Variants in PABPC1 observed in about 807,000 individuals in gnomAD.
PABPC1 encodes the protein polyadenylate-binding protein 1.
Under a neutral mutation model 74.0 loss-of-function variants are expected in PABPC1, and 4 were observed. The observed-to-expected ratio is 0.05, with a 90% CI of 0.03 to 0.12. The LOEUF is 0.12. Ranked by LOEUF, PABPC1 falls within the 10% of genes least tolerant of loss-of-function variation. PABPC1 has a pLI of 1.00. For synonymous variants in PABPC1, 227 were observed against 264.1 expected (o/e 0.86, Z 1.36); for missense variants, 271 against 821.1 (o/e 0.33, Z 8.19).
chr8:100,721,297 C>A lies in PABPC1; in HGVS notation c.193+94G>T, dbSNP rs892972478. 3.3e-5 allele frequency: 17 copies of A among 513,862 alleles called. No homozygotes were observed. The highest frequency in any genetic ancestry group is 4.5e-5 in the Non-Finnish European group (17 of 380,482). The allele number at this position is 513,862 out of a possible 1,614,324, so 31.8% of individuals were successfully genotyped here. On this transcript the variant is annotated intron_variant, in intron 1 of 14. Transcript: ENST00000318607. The surrounding 1 kb of genome is among the most constrained non-coding windows in gnomAD (Gnocchi z 7.4). ...GCGGGGTGACATGCCCTCCCGCCCC[C>A]CTCCCCGGGCCCGCCGGCCTACCCC...
chr8:100,709,243 A>T lies in PABPC1; in HGVS notation c.1246-20T>A, dbSNP rs374647362. The T allele has an allele frequency of 9.7e-5, 156 of 1,602,680 alleles. No individual in the cohort carries two copies. Among genetic ancestry groups the T allele is most frequent in the Non-Finnish European group, 1.3e-4 (150 of 1,170,682 alleles). On this transcript the variant is annotated intron_variant, in intron 8 of 14. Coordinates refer to ENST00000318607, the MANE Select transcript of PABPC1 (RefSeq NM_002568.4). Reference sequence around the variant, plus strand: ...CTGAGTCTGCAGGGAAAAAAAGCACATGAGTTTATCAGTTGAAGAAAAAAG... The same window carrying T: ...CTGAGTCTGCAGGGAAAAAAAGCACTTGAGTTTATCAGTTGAAGAAAAAAG...
rs751816795 is a variant in PABPC1, at chr8:100,715,578, C to T, written c.527G>A (p.Arg176His). 3.1e-6 allele frequency: 5 copies of T among 1,610,338 alleles called. No homozygotes were observed. Among genetic ancestry groups the T allele is most frequent in the Non-Finnish European group, 3.4e-6 (4 of 1,177,608 alleles). ...TCCAAGTTCAGCTTCTCGTTCTTTACGAGACTTAAATCGTCCAACAAATCT... is the reference window on the plus strand; with the variant it reads ...TCCAAGTTCAGCTTCTCGTTCTTTATGAGACTTAAATCGTCCAACAAATCT... ...RKVFVGRFKS[R>H]KEREAELGAR... Residue 176 changes from arginine to histidine, a missense_variant, in exon 4 of 15, where the codon CGT becomes CAT. Physicochemically the swap from Arg to His is conservative, Grantham distance 29. This residue lies in a region of PABPC1 where 78 missense variants were observed against 202.8 expected (regional missense o/e 0.38). Coordinates refer to ENST00000318607, the MANE Select transcript of PABPC1 (RefSeq NM_002568.4).
chr8:100,715,615 C>A lies in PABPC1; in HGVS notation c.504-14G>T. On this transcript the variant is annotated splice_polypyrimidine_tract_variant and intron_variant, in intron 3 of 14. Transcript: ENST00000318607. ...CGTCCAACAAATCTAATAAGATATACAAGGACTATAACATTAGATTCTATT... is the reference window on the plus strand; with the variant it reads ...CGTCCAACAAATCTAATAAGATATAAAAGGACTATAACATTAGATTCTATT... The A allele has an allele frequency of 6.3e-7, 1 of 1,588,180 alleles. No homozygotes were observed. The highest frequency in any genetic ancestry group is 1.3e-5 in the African/African-American group (1 of 74,204).
chr8:100,716,309 G>A (rs1296464152), intron 3 of PABPC1, among the ~76,000 whole-genome samples: 1 of 152,166 alleles, frequency 6.6e-6, no homozygotes, highest in African/African-American at 2.4e-5. Flanking sequence ...GCTGAAGCAC[G>A]ACAATTGCTA....
chr8:100,712,258 C>A, intron 7 of PABPC1, 104 bp downstream of exon 7: 1 of 650,330 alleles, frequency 1.5e-6, no homozygotes, highest in Non-Finnish European at 2.6e-6. Context: ...AGTAACGAAG[C>A]AAACACCTCT....
chr8:100,708,684 T>C (rs1810445715), intron 9 of PABPC1, among the ~76,000 whole-genome samples: 1 of 151,592 alleles, frequency 6.6e-6, no homozygotes, highest in Non-Finnish European at 1.5e-5. Flanking sequence ...AAGACAACCC[T>C]GGCCAACGTG....
Position 100,721,695 on chromosome 8 carries a change from A to G in PABPC1, c.-112T>C. 1 of 919,170 alleles carries G rather than the reference A, an allele frequency of 1.1e-6. No individual in the cohort carries two copies. The highest frequency in any genetic ancestry group is 1.5e-6 in the Non-Finnish European group (1 of 649,104). The allele number at this position is 919,170 out of a possible 1,614,324, so 56.9% of individuals were successfully genotyped here. A position where few individuals can be genotyped will look rare whatever the true frequency, so the allele number is the denominator to read the frequency against. ...GGGGAGGGGAGCGGGGAGCAAGCGC[A>G]GAGGGACAAAAATCAACCGGAATTG... On this transcript the variant is annotated 5_prime_UTR_variant, in exon 1 of 15. Transcript: ENST00000318607. The surrounding 1 kb of genome is among the most constrained non-coding windows in gnomAD (Gnocchi z 7.4).
chr8:100,720,817 C>G (rs1386081612), intron 1 of PABPC1, among the ~76,000 whole-genome samples: 1 of 152,164 alleles, frequency 6.6e-6, no homozygotes, highest in Non-Finnish European at 1.5e-5. Context: ...GCCTGAGGAC[C>G]ACCACCACAC....
At chr8:100,709,898 A>T in intron 7 of PABPC1, 167 bp from the exon 8 acceptor site, 1 of 742,088 alleles carries the variant, frequency 1.3e-6, no homozygotes, top group Non-Finnish European at 2.1e-6. Context: ...CTTAATACCC[A>T]ATTATTAAGG....
intron 7 of PABPC1, among the ~76,000 whole-genome samples, chr8:100,711,055 G>T (rs558165700): frequency 6.6e-6 from 1 of 152,244 alleles, no homozygotes; most frequent in African/African-American, 2.4e-5. Flanking sequence ...ACTTTAGGAG[G>T]TCACCTGAGG....
At chr8:100,711,030 G>A (rs958744233) in intron 7 of PABPC1, among the ~76,000 whole-genome samples, 2 of 152,130 alleles carry the variant, frequency 1.3e-5, no homozygotes, top group Non-Finnish European at 2.9e-5. Flanking sequence ...GGTGGCTCAC[G>A]CCTGTAATCC....
At chr8:100,704,253 G>A (rs1455237476) in intron 14 of PABPC1, 44 bp downstream of exon 14, 14 of 1,411,436 alleles carry the variant, frequency 9.9e-6, no homozygotes, top group Non-Finnish European at 1.3e-5. Flanking sequence ...TATAAAAGAT[G>A]AAGAAAACAA....
At chr8:100,705,112 T>C (rs537286356) in intron 12 of PABPC1, 56 bp from the exon 13 acceptor site, 586 of 1,455,702 alleles carry the variant, frequency 4.0e-4, no homozygotes, top group Non-Finnish European at 5.0e-4. Flanking sequence ...TTTAACTGCA[T>C]TGAATTACCA....
intron 1 of PABPC1, 113 bp from the exon 2 acceptor site, chr8:100,718,393 C>T (rs529080613): frequency 6.2e-5 from 49 of 792,640 alleles, no homozygotes; most frequent in African/African-American, 3.3e-4. Flanking sequence ...CACAGTTGAA[C>T]GCTTCCTCTT....
Position 100,715,384 on chromosome 8 carries a change from G to A in PABPC1, c.643+78C>T, listed in dbSNP as rs193232688. The A allele has an allele frequency of 5.5e-3, 7,083 of 1,282,844 alleles. 61 individuals are homozygous for A. Among genetic ancestry groups the A allele is most frequent in the Non-Finnish European group, 4.8e-3 (4,468 of 937,708 alleles). The allele number at this position is 1,282,844 out of a possible 1,614,324, so 79.5% of individuals were successfully genotyped here. Reference sequence around the variant, plus strand: ...AAGTCTAATTTTATTGACTTTTTTAGTATAAAGTAATAGCTAAAATTAACA... The same window carrying A: ...AAGTCTAATTTTATTGACTTTTTTAATATAAAGTAATAGCTAAAATTAACA... On this transcript the variant is annotated intron_variant, in intron 4 of 14. Transcript: ENST00000318607.
At chr8:100,717,524 A>C (rs1433030696) in intron 3 of PABPC1, among the ~76,000 whole-genome samples, 1 of 152,200 alleles carries the variant, frequency 6.6e-6, no homozygotes, top group African/African-American at 2.4e-5. Context: ...AATGTTAATT[A>C]TATTAAACCT....
At chr8:100,707,304 A>G in intron 9 of PABPC1, 1 of 272,256 alleles carries the variant, frequency 3.7e-6, no homozygotes. Context: ...AAAAAAAAAG[A>G]CAGCTGGGCA....
At position 100,721,984 on chromosome 8, in the gene PABPC1, A is replaced by T. The variant is rs1228675307; in HGVS notation, c.-401T>A. The T allele has an allele frequency of 5.9e-6, 1 of 168,452 alleles. No individual in the cohort carries two copies. Among genetic ancestry groups the T allele is most frequent in the African/African-American group, 2.4e-5 (1 of 41,768 alleles). 10.4% of individuals were successfully genotyped at this position (168,452 alleles called of 1,614,324 possible). A position where few individuals can be genotyped will look rare whatever the true frequency, so the allele number is the denominator to read the frequency against. On this transcript the variant is annotated 5_prime_UTR_variant, in exon 1 of 15. Coordinates refer to ENST00000318607, the MANE Select transcript of PABPC1 (RefSeq NM_002568.4). The surrounding 1 kb of genome is among the most constrained non-coding windows in gnomAD (Gnocchi z 7.4). Reference sequence around the variant, plus strand: ...TTTGTAAATTTTTTTGGGGTTTTTTAAAAGATTTTTTTAGATTTTTTTTGG... The same window carrying T: ...TTTGTAAATTTTTTTGGGGTTTTTTTAAAGATTTTTTTAGATTTTTTTTGG...
intron 13 of PABPC1, 45 bp downstream of exon 13, chr8:100,704,881 G>A (rs747344852): frequency 4.9e-5 from 78 of 1,603,360 alleles, no homozygotes; most frequent in Middle Eastern, 2.3e-4. Flanking sequence ...AAAAAGCCAC[G>A]TAATAACTGT....
Sources: gnomAD v4.1 joint callset for allele counts (sites outside exome capture counted in the v4.1 genomes callset) on GRCh38, gnomAD v4.1.1 for gene constraint, gnomAD v4.1.1 regional missense constraint, Gnocchi (gnomAD v3.1) non-coding constraint, MANE v1.5 for transcripts, NCBI Gene and HGNC (gene_info 2026-07-23, HGNC 2026-07-21) for gene names.